Variants in CDH12 observed in about 807,000 individuals in gnomAD.
The protein encoded by CDH12 is cadherin 12, also known as cadherin-12.
Under a neutral mutation model 74.1 loss-of-function variants are expected in CDH12, and 41 were observed. The ratio of observed to expected loss-of-function variants is 0.55; its 90% CI spans 0.43 to 0.72. The LOEUF (loss-of-function observed/expected upper bound fraction) is 0.72, where lower values mean the gene tolerates loss of function less well. CDH12 is among the 30% of genes least tolerant of loss of function. CDH12 has a pLI of 0.00. For synonymous variants in CDH12, 399 were observed against 355.0 expected (o/e 1.12, Z -1.39); for missense variants, 945 against 977.2 (o/e 0.97, Z 0.44).
chr5:22,512,269 G>A (rs968121994), intron 1 of CDH12, among the ~76,000 whole-genome samples: 1 of 152,166 alleles, frequency 6.6e-6, no homozygotes, highest in Non-Finnish European at 1.5e-5. Flanking sequence ...TATCAGTAAA[G>A]AGGATATATT....
At chr5:22,312,955 G>T in intron 3 of CDH12, among the ~76,000 whole-genome samples, 1 of 152,108 alleles carries the variant, frequency 6.6e-6, no homozygotes, top group East Asian at 1.9e-4. Context: ...CCATCTCTTA[G>T]GACAATGTTT....
intron 2 of CDH12, among the ~76,000 whole-genome samples, chr5:22,421,881 T>A (rs1180410628): frequency 6.6e-6 from 1 of 152,242 alleles, no homozygotes; most frequent in Non-Finnish European, 1.5e-5. Context: ...ATCACCATTC[T>A]AACTGGTGTG....
At chr5:22,588,658 A>C (rs1740532516) in intron 1 of CDH12, among the ~76,000 whole-genome samples, 1 of 152,218 alleles carries the variant, frequency 6.6e-6, no homozygotes, top group African/African-American at 2.4e-5. Context: ...TCAATAAAAT[A>C]GATAAAAAGA....
chr5:21,917,703 C>G (rs951514074), intron 6 of CDH12, among the ~76,000 whole-genome samples: 6 of 151,758 alleles, frequency 4.0e-5, no homozygotes, highest in Non-Finnish European at 7.4e-5. Flanking sequence ...GCTGAAGCAC[C>G]CTATGGGATG....
chr5:22,319,314 G>A (rs1284695446), intron 3 of CDH12, among the ~76,000 whole-genome samples: 1 of 152,094 alleles, frequency 6.6e-6, no homozygotes, highest in Non-Finnish European at 1.5e-5. Flanking sequence ...TTGAAAGCTG[G>A]GATGTCAACC....
At position 22,212,510 on chromosome 5, in the gene CDH12, T is replaced by C. The variant is rs10065908; in HGVS notation, c.-199A>G. 0.02 allele frequency: 19,853 copies of C among 983,900 alleles called. 264 individuals are homozygous for C. The highest frequency in any genetic ancestry group is 0.056 in the African/African-American group (3,224 of 57,242). The allele number at this position is 983,900 out of a possible 1,614,324, so 60.9% of individuals were successfully genotyped here. A position where few individuals can be genotyped will look rare whatever the true frequency, so the allele number is the denominator to read the frequency against. On this transcript the variant is annotated 5_prime_UTR_variant, in exon 4 of 15. Coordinates refer to ENST00000382254, the MANE Select transcript of CDH12 (RefSeq NM_004061.5). Reference sequence around the variant, plus strand: ...AAGCAGCACTTACCTTAATTGAAATTTTCTCTGTGAACGAGGTGAGAAATC... The same window carrying C: ...AAGCAGCACTTACCTTAATTGAAATCTTCTCTGTGAACGAGGTGAGAAATC...
At chr5:21,961,347 T>C (rs2150110289) in intron 6 of CDH12, among the ~76,000 whole-genome samples, 1 of 152,242 alleles carries the variant, frequency 6.6e-6, no homozygotes, top group African/African-American at 2.4e-5. Context: ...TACATCAGTT[T>C]TACTTCCTTT....
intron 11 of CDH12, among the ~76,000 whole-genome samples, chr5:21,770,059 A>G (rs1745236569): frequency 6.6e-6 from 1 of 152,182 alleles, no homozygotes; most frequent in Admixed American, 6.6e-5. Context: ...CTACCAACAT[A>G]TGTGATGATC....
intron 3 of CDH12, among the ~76,000 whole-genome samples, chr5:22,388,138 C>T (rs1663318): frequency 0.34 from 51,215 of 151,960 alleles, 10,118 homozygotes; most frequent in Admixed American, 0.46. Flanking sequence ...AGGCAATTTG[C>T]TTAATACTTC....
rs201513323 is a variant in CDH12, at chr5:21,880,616, C to CTTCT, written c.527-25830_527-25827dup. Among the ~76,000 whole-genome samples, 361 of 50,852 alleles carry CTTCT rather than the reference C, an allele frequency of 7.1e-3. 28 individuals are homozygous for CTTCT. The highest frequency in any genetic ancestry group is 0.015 in the South Asian group (16 of 1,080). The allele number at this position is 50,852 out of a possible 152,430, so 33.4% of individuals were successfully genotyped here. A position where few individuals can be genotyped will look rare whatever the true frequency, so the allele number is the denominator to read the frequency against. The stretch of plus-strand genomic sequence containing the variant: ...CCTTCCTTCCTTCCTTCCTTCCTTC[C>CTTCT]TTCTTTCTTTCTTTCTTTCTTTCTT... On this transcript the variant is annotated intron_variant, in intron 6 of 14. Transcript: ENST00000382254.
intron 1 of CDH12, among the ~76,000 whole-genome samples, chr5:22,619,355 T>A (rs1737854648): frequency 6.6e-6 from 1 of 152,076 alleles, no homozygotes; most frequent in Non-Finnish European, 1.5e-5. Context: ...TTCTGTTACT[T>A]TGATCCAAAA....
chr5:22,404,885 T>C (rs975742), intron 3 of CDH12, among the ~76,000 whole-genome samples: 17,262 of 152,276 alleles, frequency 0.11, 1,041 homozygotes, highest in South Asian at 0.19. Flanking sequence ...TTTAAATTAA[T>C]GACTCTTCAT....
intron 2 of CDH12, among the ~76,000 whole-genome samples, chr5:22,421,737 G>A (rs568518486): frequency 6.6e-6 from 1 of 152,178 alleles, no homozygotes; most frequent in Non-Finnish European, 1.5e-5. Context: ...GGTATTTCTG[G>A]TTCTAGATCC....
At chr5:22,346,963 A>C (rs1337093316) in intron 3 of CDH12, among the ~76,000 whole-genome samples, 1 of 152,222 alleles carries the variant, frequency 6.6e-6, no homozygotes, top group East Asian at 1.9e-4. Context: ...TCCATTTAAC[A>C]GGTATCTTAT....
intron 3 of CDH12, among the ~76,000 whole-genome samples, chr5:22,290,142 C>T (rs1219023749): frequency 1.3e-5 from 2 of 152,090 alleles, no homozygotes; most frequent in African/African-American, 4.8e-5. Flanking sequence ...TGCTACAAAG[C>T]TTTCTCAGTC....
chr5:21,991,039 C>T (rs1425431823), intron 5 of CDH12, among the ~76,000 whole-genome samples: 7 of 151,402 alleles, frequency 4.6e-5, no homozygotes, highest in East Asian at 1.9e-4. Context: ...CCCAAGTTTT[C>T]GTTTTGTGAC....
chr5:22,798,007 T>C (rs972139636), intron 1 of CDH12, among the ~76,000 whole-genome samples: 1 of 152,182 alleles, frequency 6.6e-6, no homozygotes, highest in African/African-American at 2.4e-5. Context: ...CAGCTTTGTT[T>C]TGTCAGGAAG....
chr5:22,204,162 GT>G (rs113456439), intron 4 of CDH12, among the ~76,000 whole-genome samples: 81,045 of 129,920 alleles, frequency 0.62, 22,842 homozygotes, highest in East Asian at 0.83. Flanking sequence ...TGTTTTGTTT[GT>G]TTTTTTTTTT....
intron 4 of CDH12, among the ~76,000 whole-genome samples, chr5:22,125,772 G>T (rs1745820476): frequency 6.6e-6 from 1 of 152,232 alleles, no homozygotes; most frequent in South Asian, 2.1e-4. Flanking sequence ...TCCACCCTCA[G>T]TTTAAGAACA....
Sources: allele counts gnomAD v4.1 joint callset (sites outside exome capture counted in the v4.1 genomes callset), GRCh38; gene constraint gnomAD v4.1.1; transcripts MANE v1.5; gene names NCBI Gene and HGNC (gene_info 2026-07-23, HGNC 2026-07-21).